Variants in SCHIP1 observed in about 807,000 individuals in gnomAD.
SCHIP1 encodes the protein schwannomin-interacting protein 1.
SCHIP1 carries 8 observed loss-of-function variants against 29.7 expected under a neutral mutation model. The ratio of observed to expected loss-of-function variants is 0.27; its 90% CI spans 0.16 to 0.49. The LOEUF (loss-of-function observed/expected upper bound fraction) is 0.49, where lower values mean the gene tolerates loss of function less well. Ranked by LOEUF, SCHIP1 falls within the 20% of genes least tolerant of loss-of-function variation. The pLI is 0.99. For synonymous variants in SCHIP1, 76 were observed against 94.9 expected (o/e 0.80, Z 1.16); for missense variants, 193 against 294.6 (o/e 0.66, Z 2.52).
the SCHIP1 span, among the ~76,000 whole-genome samples, chr3:159,713,979 G>C: frequency 6.6e-6 from 1 of 152,218 alleles, no homozygotes; most frequent in Non-Finnish European, 1.5e-5. Context: ...GCTCATGCCT[G>C]TAATCCCAAC....
the SCHIP1 span, chr3:159,765,224 G>T: frequency 7.2e-7 from 1 of 1,388,268 alleles, no homozygotes; most frequent in Non-Finnish European, 9.5e-7. Flanking sequence ...CTGCGCTCCC[G>T]CCCGCCCGCG....
chr3:159,394,420 T>C, the SCHIP1 span, among the ~76,000 whole-genome samples: 1 of 152,264 alleles, frequency 6.6e-6, no homozygotes, highest in African/African-American at 2.4e-5. Flanking sequence ...CTTCCAGTGT[T>C]TGCCCATTCA....
the SCHIP1 span, among the ~76,000 whole-genome samples, chr3:159,653,717 C>T: frequency 6.8e-6 from 1 of 146,952 alleles, no homozygotes; most frequent in South Asian, 2.2e-4. Context: ...AACAAACCTG[C>T]ACATTCTGCA....
At chr3:159,800,095 C>T in the SCHIP1 span, among the ~76,000 whole-genome samples, 5 of 152,156 alleles carry the variant, frequency 3.3e-5, no homozygotes, top group Non-Finnish European at 7.3e-5. Context: ...ATGTGCCATG[C>T]ACTAACTTCA....
chr3:159,628,949 T>C, the SCHIP1 span, among the ~76,000 whole-genome samples: 2 of 151,950 alleles, frequency 1.3e-5, no homozygotes, highest in African/African-American at 2.4e-5. Flanking sequence ...TTAAGAAAAA[T>C]TGTCTCTATA....
chr3:159,855,462 C>T (rs1000554050), intron 1 of SCHIP1, among the ~76,000 whole-genome samples: 4 of 151,868 alleles, frequency 2.6e-5, no homozygotes, highest in Non-Finnish European at 4.4e-5. Flanking sequence ...AATTAGATGC[C>T]GTAAAGTGGG....
chr3:159,441,657 G>A, the SCHIP1 span, among the ~76,000 whole-genome samples: 2 of 152,062 alleles, frequency 1.3e-5, no homozygotes, highest in Non-Finnish European at 2.9e-5. Flanking sequence ...CTGGCTTTGG[G>A]ACCCTCAAAC....
At chr3:159,353,407 G>A in the SCHIP1 span, among the ~76,000 whole-genome samples, 3 of 152,068 alleles carry the variant, frequency 2.0e-5, no homozygotes, top group Non-Finnish European at 4.4e-5. Flanking sequence ...TCTAAACCCT[G>A]AAAGTTTTCA....
At chr3:159,679,691 G>A in the SCHIP1 span, among the ~76,000 whole-genome samples, 34 of 152,214 alleles carry the variant, frequency 2.2e-4, no homozygotes, top group East Asian at 5.8e-3. Context: ...CAGGAGCACA[G>A]GGCTCTGGAG....
chr3:159,568,412 GC>G, the SCHIP1 span, among the ~76,000 whole-genome samples: 4 of 151,924 alleles, frequency 2.6e-5, no homozygotes, highest in Non-Finnish European at 4.4e-5. Flanking sequence ...TACTATAAAA[GC>G]TTTTTATCAA....
the SCHIP1 span, among the ~76,000 whole-genome samples, chr3:159,319,362 T>C: frequency 8.5e-5 from 13 of 152,166 alleles, no homozygotes; most frequent in Non-Finnish European, 1.9e-4. Flanking sequence ...GTAACAAAGG[T>C]TGGGGCATGA....
chr3:159,877,869 A>G (rs559118229), intron 2 of SCHIP1, among the ~76,000 whole-genome samples: 2 of 152,324 alleles, frequency 1.3e-5, no homozygotes, highest in Middle Eastern at 3.4e-3. Flanking sequence ...ATTTATATCA[A>G]TTACGTTAGA....
chr3:159,363,717 A>G, the SCHIP1 span, among the ~76,000 whole-genome samples: 3 of 152,344 alleles, frequency 2.0e-5, no homozygotes, highest in East Asian at 5.8e-4. Context: ...CCTAACGTTT[A>G]GTCAGGTAAT....
chr3:159,643,925 C>T, the SCHIP1 span, among the ~76,000 whole-genome samples: 1 of 152,182 alleles, frequency 6.6e-6, no homozygotes, highest in Non-Finnish European at 1.5e-5. Flanking sequence ...GACAGGACAG[C>T]GAGCACCACT....
the SCHIP1 span, among the ~76,000 whole-genome samples, chr3:159,494,888 C>T: frequency 3.9e-5 from 6 of 152,148 alleles, no homozygotes; most frequent in African/African-American, 1.4e-4. Context: ...TCCAGCAACA[C>T]ATCAAAAAGC....
chr3:159,533,626 G>T, the SCHIP1 span, among the ~76,000 whole-genome samples: 2 of 151,942 alleles, frequency 1.3e-5, no homozygotes, highest in Admixed American at 1.3e-4. Flanking sequence ...TGCTCTGTCT[G>T]CCCCCCCACA....
chr3:159,398,542 A>T, the SCHIP1 span, among the ~76,000 whole-genome samples: 3 of 152,354 alleles, frequency 2.0e-5, no homozygotes, highest in African/African-American at 7.2e-5. Context: ...TTAGCATGAA[A>T]GTAAGACTGG....
upstream of SCHIP1, among the ~76,000 whole-genome samples, chr3:159,836,596 C>G (rs1386371835): frequency 6.6e-6 from 1 of 151,980 alleles, no homozygotes; most frequent in African/African-American, 2.4e-5. Context: ...TTGGGCATGC[C>G]ACAACTTTCT....
chr3:159,453,624 A>T, the SCHIP1 span, among the ~76,000 whole-genome samples: 2 of 152,218 alleles, frequency 1.3e-5, no homozygotes, highest in Admixed American at 6.5e-5. Context: ...GTTCACCATC[A>T]TAATCAAGTA....
Sources: allele counts gnomAD v4.1 joint callset (sites outside exome capture counted in the v4.1 genomes callset), GRCh38; gene constraint gnomAD v4.1.1; transcripts MANE v1.5; gene names NCBI Gene and HGNC (gene_info 2026-07-23, HGNC 2026-07-21).